Variants in KIF6 observed in about 807,000 individuals in gnomAD.
KIF6 encodes kinesin family member 6, also known as kinesin-like protein KIF6.
Under a neutral mutation model 112.7 loss-of-function variants are expected in KIF6, and 106 were observed. That is an observed-to-expected ratio of 0.94 (90% CI 0.80 to 1.11). The LOEUF (loss-of-function observed/expected upper bound fraction) is 1.11, where lower values mean the gene tolerates loss of function less well. Ranked by LOEUF, KIF6 falls within the 50% of genes least tolerant of loss-of-function variation. The probability of loss-of-function intolerance (pLI) is 0.00; values close to 1 mark genes in which losing one functional copy is unlikely to be tolerated. For synonymous variants in KIF6, 339 were observed against 339.9 expected (o/e 1.00, Z 0.03); for missense variants, 929 against 964.0 (o/e 0.96, Z 0.48).
chr6:39,397,801 G>A (rs1347639958), intron 15 of KIF6, among the ~76,000 whole-genome samples: 1 of 152,138 alleles, frequency 6.6e-6, no homozygotes, highest in Non-Finnish European at 1.5e-5. Flanking sequence ...GAGTGAGCAG[G>A]GGGAGCGGGA....
intron 10 of KIF6, among the ~76,000 whole-genome samples, chr6:39,567,842 C>T (rs564146902): frequency 6.4e-4 from 98 of 152,198 alleles, no homozygotes; most frequent in Non-Finnish European, 1.2e-3. Flanking sequence ...CTCCTGACCT[C>T]GTGATCCGCC....
At chr6:39,642,085 G>C (rs1295649662) in intron 3 of KIF6, among the ~76,000 whole-genome samples, 1 of 152,032 alleles carries the variant, frequency 6.6e-6, no homozygotes, top group Non-Finnish European at 1.5e-5. Context: ...ACTCTTCAAT[G>C]GACACTAGGC....
chr6:39,693,000 A>G (rs553447724), intron 3 of KIF6, among the ~76,000 whole-genome samples: 114 of 152,358 alleles, frequency 7.5e-4, no homozygotes, highest in African/African-American at 2.7e-3. Flanking sequence ...CCCTCAGGGA[A>G]GAATGGATTC....
intron 10 of KIF6, among the ~76,000 whole-genome samples, chr6:39,566,313 C>T (rs956716754): frequency 6.6e-6 from 1 of 152,178 alleles, no homozygotes; most frequent in Non-Finnish European, 1.5e-5. Context: ...AAAATCATCA[C>T]TTTATTTTAA....
At chr6:39,436,340 T>C (rs1330272293) in intron 13 of KIF6, among the ~76,000 whole-genome samples, 1 of 152,226 alleles carries the variant, frequency 6.6e-6, no homozygotes, top group African/African-American at 2.4e-5. Flanking sequence ...GATTATTTAT[T>C]TTTCTGTGCA....
Position 39,586,288 on chromosome 6 carries a change from T to A in KIF6, c.963A>T (p.Thr321=). 1 of 1,614,024 alleles carries A rather than the reference T, an allele frequency of 6.2e-7. No individual in the cohort carries two copies. The highest frequency in any genetic ancestry group is 1.3e-5 in the African/African-American group (1 of 75,036). The stretch of plus-strand genomic sequence containing the variant: ...CAAGATTCCTTTTCTCCAAGGAGAG[T>A]GTTGCAATCATAGTTGTCATGCAGT... ...GGNCMTTMIA[T]LSLEKRNLDE... The change falls in exon 8 of 23, where the codon ACA becomes ACT. Residue 321 remains threonine (T), a synonymous_variant. Coordinates refer to ENST00000287152, the MANE Select transcript of KIF6 (RefSeq NM_145027.6).
intron 19 of KIF6, among the ~76,000 whole-genome samples, chr6:39,348,954 G>A (rs1441566862): frequency 3.3e-5 from 5 of 152,220 alleles, no homozygotes; most frequent in African/African-American, 9.6e-5. Flanking sequence ...CAGAGTGACC[G>A]TGTCGGAGGG....
At chr6:39,517,546 A>T (rs759140235) in intron 13 of KIF6, among the ~76,000 whole-genome samples, 1 of 152,178 alleles carries the variant, frequency 6.6e-6, no homozygotes, top group Non-Finnish European at 1.5e-5. Context: ...ATCTTCCATA[A>T]AACAAAACTA....
At chr6:39,595,436 A>C (rs1175979119) in intron 7 of KIF6, among the ~76,000 whole-genome samples, 1 of 152,214 alleles carries the variant, frequency 6.6e-6, no homozygotes, top group Non-Finnish European at 1.5e-5. Context: ...ATAGTAACTA[A>C]CACCTACAAT....
intron 7 of KIF6, among the ~76,000 whole-genome samples, chr6:39,589,094 G>T (rs911826576): frequency 6.6e-6 from 1 of 152,072 alleles, no homozygotes; most frequent in Non-Finnish European, 1.5e-5. Flanking sequence ...GCCTGTACTG[G>T]CCTTCTGACT....
At chr6:39,346,556 C>CCACT in intron 19 of KIF6, 30 bp from the exon 20 acceptor site, 1 of 691,902 alleles carries the variant, frequency 1.4e-6, no homozygotes, top group East Asian at 2.7e-5. Flanking sequence ...GTTGTTTGAG[C>CCACT]CACTCAGTCT....
chr6:39,698,410 T>C (rs1277058322), intron 3 of KIF6, among the ~76,000 whole-genome samples: 1 of 152,210 alleles, frequency 6.6e-6, no homozygotes, highest in Non-Finnish European at 1.5e-5. Context: ...GTGGTGTTCT[T>C]ATGATAAAGT....
In KIF6 at chr6:39,540,196, T is replaced by C. The variant is rs1347383741; in HGVS notation, c.1452A>G (p.Lys484=). The C allele has an allele frequency of 6.2e-7, 1 of 1,610,360 alleles. No individual in the cohort carries two copies. Among genetic ancestry groups the C allele is most frequent in the Non-Finnish European group, 8.5e-7 (1 of 1,178,740 alleles). The part of the protein sequence containing the change: ...EINILVNMLK[K]EKKKAQEALH... ...GAGCCTCCTGAGCTTTCTTCTTTTC[T>C]TTTTTTAACATGTTGACCAGGATAT... Residue 484 remains lysine (K), a synonymous_variant, in exon 13 of 23, where the codon AAA becomes AAG. Transcript: ENST00000287152.
At chr6:39,583,443 T>C (rs1045758719) in intron 9 of KIF6, 1 of 471,642 alleles carries the variant, frequency 2.1e-6, no homozygotes, top group Admixed American at 2.3e-5. Flanking sequence ...CATTGGTTTC[T>C]GCAGAAGAGA....
At chr6:39,717,517 A>G (rs1789928193) in intron 2 of KIF6, among the ~76,000 whole-genome samples, 1 of 151,852 alleles carries the variant, frequency 6.6e-6, no homozygotes, top group Non-Finnish European at 1.5e-5. Context: ...TGTTGCAACC[A>G]TTCCTCTCCT....
chr6:39,346,775 G>A (rs749975044), intron 19 of KIF6, among the ~76,000 whole-genome samples: 10 of 152,148 alleles, frequency 6.6e-5, no homozygotes, highest in Non-Finnish European at 1.3e-4. Flanking sequence ...AGCCATCCAA[G>A]TAGCTGGGAT....
In KIF6 at chr6:39,710,469, G is replaced by GAA. The variant is rs11371063; in HGVS notation, c.251+4221_251+4222dup. ...CATGCACATAAAGAAAAAGAAGACA[G>GAA]AAAAAAAAAAAAACCCAGTGTTTCA... On this transcript the variant is annotated intron_variant, in intron 3 of 22. Transcript: ENST00000287152. 2.0e-3 allele frequency among the ~76,000 whole-genome samples: 286 copies of GAA among 139,810 alleles called. 1 individual carries two copies. Among genetic ancestry groups the GAA allele is most frequent in the Middle Eastern group, 3.7e-3 (1 of 270 alleles). 91.7% of individuals were successfully genotyped at this position (139,810 alleles called of 152,430 possible).
At chr6:39,592,328 A>G (rs1781998036) in intron 7 of KIF6, among the ~76,000 whole-genome samples, 1 of 152,240 alleles carries the variant, frequency 6.6e-6, no homozygotes, top group Non-Finnish European at 1.5e-5. Context: ...AAAGACTTTA[A>G]ACAAAAAAGA....
intron 13 of KIF6, among the ~76,000 whole-genome samples, chr6:39,443,480 A>G (rs1772091661): frequency 6.6e-6 from 1 of 152,038 alleles, no homozygotes; most frequent in Admixed American, 6.6e-5. Flanking sequence ...GTCTTGCTCT[A>G]TTGCCCAGGC....
Sources: allele counts gnomAD v4.1 joint callset (sites outside exome capture counted in the v4.1 genomes callset), GRCh38; gene constraint gnomAD v4.1.1; transcripts MANE v1.5; gene names NCBI Gene and HGNC (gene_info 2026-07-23, HGNC 2026-07-21).